The following TNIK variants were observed in gnomAD, a reference collection of about 807,000 sequenced individuals.
The protein encoded by TNIK is TRAF2 and NCK-interacting protein kinase.
In TNIK, 49 loss-of-function variants were observed where a neutral mutation model predicts 191.3. The observed-to-expected ratio is 0.26, with a 90% CI of 0.20 to 0.32. The LOEUF (loss-of-function observed/expected upper bound fraction) is 0.32. Among genes scored for constraint, TNIK ranks in the 10% least tolerant of loss-of-function variants. The pLI is 1.00. For synonymous variants in TNIK, 594 were observed against 600.9 expected, an observed-to-expected ratio of 0.99 and a Z score of 0.17; for missense variants, 1,155 against 1,702.3, an observed-to-expected ratio of 0.68 and a Z score of 5.66.
At chr3:171,376,368 G>A (rs1264342362) in intron 1 of TNIK, among the ~76,000 whole-genome samples, 1 of 152,118 alleles carries the variant, frequency 6.6e-6, no homozygotes, top group East Asian at 1.9e-4. Context: ...AGCAGTAGAG[G>A]TTTGCAGAGT....
intron 8 of TNIK, 149 bp from the exon 9 acceptor site, chr3:171,175,479 G>A (rs1487248508): frequency 4.7e-6 from 3 of 635,012 alleles, no homozygotes; most frequent in Non-Finnish European, 5.5e-6. Context: ...AAATGCTTCT[G>A]AGCATTTGAA....
intron 21 of TNIK, 55 bp downstream of exon 21, chr3:171,107,128 A>ATAAGTT: frequency 6.4e-7 from 1 of 1,565,100 alleles, no homozygotes; most frequent in Admixed American, 1.8e-5. Context: ...ACATTAGGAA[A>ATAAGTT]TAAGTTTAAT....
intron 28 of TNIK, among the ~76,000 whole-genome samples, chr3:171,078,520 G>T (rs932605025): frequency 5.9e-5 from 9 of 151,564 alleles, no homozygotes; most frequent in Admixed American, 1.3e-4. Context: ...TTTATAGAAA[G>T]AAGTTTTCTA....
chr3:171,206,526 C>G (rs1356927498), intron 4 of TNIK, among the ~76,000 whole-genome samples: 1 of 151,964 alleles, frequency 6.6e-6, no homozygotes, highest in East Asian at 1.9e-4. Flanking sequence ...CATGCAGATG[C>G]CAGCAGGTGT....
At chr3:171,416,526 G>A (rs1026480332) in intron 1 of TNIK, among the ~76,000 whole-genome samples, 1 of 151,824 alleles carries the variant, frequency 6.6e-6, no homozygotes, top group Non-Finnish European at 1.5e-5. Context: ...AGCTGAATAT[G>A]GATGGCATAG....
At chr3:171,144,059 A>AAGAT (rs1157682016) in intron 12 of TNIK, among the ~76,000 whole-genome samples, 1 of 152,240 alleles carries the variant, frequency 6.6e-6, no homozygotes, top group Non-Finnish European at 1.5e-5. Flanking sequence ...ATACATAATG[A>AAGAT]AGATAGTGGT....
chr3:171,279,599 A>C (rs1165815987), intron 2 of TNIK, among the ~76,000 whole-genome samples: 1 of 152,172 alleles, frequency 6.6e-6, no homozygotes, highest in African/African-American at 2.4e-5. Flanking sequence ...ATGACTCTCA[A>C]AATGGTTCAT....
intron 18 of TNIK, among the ~76,000 whole-genome samples, chr3:171,121,861 A>G (rs1727795591): frequency 6.6e-6 from 1 of 152,224 alleles, no homozygotes. Flanking sequence ...ACTGTCCTAC[A>G]TGCAGAGAAG....
At chr3:171,448,226 TA>T (rs1207323685) in intron 1 of TNIK, among the ~76,000 whole-genome samples, 1 of 152,174 alleles carries the variant, frequency 6.6e-6, no homozygotes, top group East Asian at 1.9e-4. Context: ...AAGTGACTTT[TA>T]GTATGTTTCA....
At position 171,392,749 on chromosome 3, in the gene TNIK, A is replaced by G. The variant is rs187983128; in HGVS notation, c.58-23064T>C. Among the ~76,000 whole-genome samples the G allele has an allele frequency of 3.2e-3, 454 of 141,428 alleles. 2 individuals are homozygous for G. The highest frequency in any genetic ancestry group is 0.012 in the African/African-American group (443 of 37,556). The allele number at this position is 141,428 out of a possible 152,430, so 92.8% of individuals were successfully genotyped here. ...AGCCGAGATCGTGCCATTGCACTCC[A>G]GCCTGGGTGACAGAACGAGATTCTG... On this transcript the variant is annotated intron_variant, in intron 1 of 32. Transcript: ENST00000436636.
intron 2 of TNIK, among the ~76,000 whole-genome samples, chr3:171,265,510 T>C (rs1036606549): frequency 1.3e-5 from 2 of 152,214 alleles, no homozygotes; most frequent in African/African-American, 4.8e-5. Context: ...CTGCATTAAT[T>C]TGGGCAGACA....
intron 4 of TNIK, among the ~76,000 whole-genome samples, chr3:171,210,451 A>G (rs1449168009): frequency 6.6e-6 from 1 of 152,246 alleles, no homozygotes; most frequent in East Asian, 1.9e-4. Context: ...ACAGCCAATT[A>G]GAGCTGCCTC....
chr3:171,109,986 C>A (rs1318655396), intron 19 of TNIK, among the ~76,000 whole-genome samples: 3 of 152,038 alleles, frequency 2.0e-5, no homozygotes, highest in East Asian at 3.9e-4. Flanking sequence ...CTCACCACAA[C>A]CTCTGCCTCC....
intron 2 of TNIK, among the ~76,000 whole-genome samples, chr3:171,237,072 G>T (rs1272266795): frequency 6.6e-6 from 1 of 152,154 alleles, no homozygotes; most frequent in Non-Finnish European, 1.5e-5. Context: ...AGCAGCAGGA[G>T]CAGTCTCCTG....
intron 2 of TNIK, among the ~76,000 whole-genome samples, chr3:171,242,981 A>G (rs536266894): frequency 2.0e-5 from 3 of 152,376 alleles, no homozygotes; most frequent in Non-Finnish European, 4.4e-5. Context: ...TAATAAATGC[A>G]GTGGAGCTAA....
chr3:171,409,143 A>G (rs1480270910), intron 1 of TNIK, among the ~76,000 whole-genome samples: 1 of 152,184 alleles, frequency 6.6e-6, no homozygotes, highest in Non-Finnish European at 1.5e-5. Flanking sequence ...AATTTGAGAA[A>G]ACCAGAATTG....
chr3:171,277,594 G>T (rs563056108), intron 2 of TNIK, among the ~76,000 whole-genome samples: 18 of 152,268 alleles, frequency 1.2e-4, no homozygotes, highest in African/African-American at 4.3e-4. Context: ...TTTAGGAAAT[G>T]AATAATTGTT....
chr3:171,318,563 C>T (rs1234193069), intron 2 of TNIK, among the ~76,000 whole-genome samples: 1 of 152,126 alleles, frequency 6.6e-6, no homozygotes, highest in East Asian at 1.9e-4. Context: ...AACCCCTAGA[C>T]ATGTTCTTAC....
intron 18 of TNIK, among the ~76,000 whole-genome samples, chr3:171,115,338 C>T (rs1012677619): frequency 1.3e-5 from 2 of 152,094 alleles, no homozygotes; most frequent in African/African-American, 2.4e-5. Flanking sequence ...TGAAACTTAC[C>T]GGACCAGGAT....
Sources: gnomAD v4.1 joint callset for allele counts (sites outside exome capture counted in the v4.1 genomes callset) on GRCh38, gnomAD v4.1.1 for gene constraint, MANE v1.5 for transcripts, NCBI Gene and HGNC (gene_info 2026-07-23, HGNC 2026-07-21) for gene names.